GPR83: variants seen among roughly 807,000 people sequenced by gnomAD.
GPR83 encodes the protein G protein-coupled receptor 83.
A neutral mutation model predicts 28.0 loss-of-function variants in GPR83; 23 were observed. That is an observed-to-expected ratio of 0.82 (90% CI 0.59 to 1.16). The LOEUF (loss-of-function observed/expected upper bound fraction) is 1.16, where lower values mean the gene tolerates loss of function less well. Among genes scored for constraint, GPR83 ranks in the 50% most tolerant of loss-of-function variants. The pLI, the probability that GPR83 is intolerant of heterozygous loss-of-function variation, is 0.00. For missense variants in GPR83, 610 were observed against 536.6 expected (o/e 1.14, Z -1.35); for synonymous variants, 234 against 215.4 (o/e 1.09, Z -0.76).
intron 3 of GPR83, among the ~76,000 whole-genome samples, chr11:94,386,074 C>A (rs1200430341): frequency 6.6e-6 from 1 of 152,134 alleles, no homozygotes. Context: ...ATTTTCAACC[C>A]AAAATTTCAT....
intron 2 of GPR83, among the ~76,000 whole-genome samples, chr11:94,395,294 A>G (rs1401609484): frequency 6.6e-6 from 1 of 152,196 alleles, no homozygotes; most frequent in Non-Finnish European, 1.5e-5. Flanking sequence ...ATTGGACTGT[A>G]TCTTTGAATC....
At position 94,400,975 on chromosome 11, in the gene GPR83, C is replaced by G. The variant is rs756860319; in HGVS notation, c.273G>C (p.Leu91=). The change falls in exon 1 of 4, where the codon CTG becomes CTC. Residue 91 remains leucine (L), a synonymous_variant. Transcript: ENST00000243673. ...GGTTCTTGAAGATGACATGACAGAC[C>G]AGGACGTTGCCAAAGAGTGAGAAGA... is the stretch of plus-strand genomic sequence containing the variant. ...IIVFSLFGNV[L]VCHVIFKNQR... 148 of 1,613,968 alleles carry G rather than the reference C, an allele frequency of 9.2e-5. No individual in the cohort carries two copies. The highest frequency in any genetic ancestry group is 3.3e-4 in the Middle Eastern group (2 of 6,084).
At chr11:94,392,332 G>A (rs1383609121) in intron 3 of GPR83, among the ~76,000 whole-genome samples, 1 of 151,966 alleles carries the variant, frequency 6.6e-6, no homozygotes, top group Admixed American at 6.6e-5. Flanking sequence ...AGGAGGTGGG[G>A]GGCAAGCAGA....
At position 94,401,120 on chromosome 11, in the gene GPR83, G is replaced by A. The variant is rs141311468; in HGVS notation, c.128C>T (p.Ser43Phe). The A allele has an allele frequency of 1.5e-5, 25 of 1,614,116 alleles. No individual in the cohort carries two copies. The African/African-American group carries it at 2.9e-4, about 19-fold the overall frequency. The stretch of plus-strand genomic sequence containing the variant: ...GTCGGAGAAGGTGTAGTTGTTCCAA[G>A]AGAAGAAGTGCGAGGCATTGGGCAC... ...LAVPNASHFF[S>F]WNNYTFSDWQ... is the part of the protein sequence containing the mutation. The change falls in exon 1 of 4, where the codon TCT becomes TTT. Residue 43 changes from serine (S) to phenylalanine (F), a missense_variant. Coordinates refer to ENST00000243673, the MANE Select transcript of GPR83 (RefSeq NM_016540.4).
At chr11:94,386,973 C>CCG in intron 3 of GPR83, among the ~76,000 whole-genome samples, 1 of 152,152 alleles carries the variant, frequency 6.6e-6, no homozygotes, top group African/African-American at 2.4e-5. Flanking sequence ...TTATAACAAA[C>CCG]TCTCTCCCAG....
chr11:94,401,376 C>G lies in GPR83; in HGVS notation c.-129G>C. On this transcript the variant is annotated 5_prime_UTR_variant, in exon 1 of 4. Coordinates refer to ENST00000243673, the MANE Select transcript of GPR83 (RefSeq NM_016540.4). The stretch of plus-strand genomic sequence containing the variant: ...GTCCCGAGGAGCCAGGGAGCCCGGA[C>G]GCGCGGAGCACCGCGCCGCCCGCCA... The G allele has an allele frequency of 2.3e-6, 2 of 884,474 alleles. No individual in the cohort carries two copies. The highest frequency in any genetic ancestry group is 3.2e-6 in the Non-Finnish European group (2 of 629,116). 54.8% of individuals were successfully genotyped at this position (884,474 alleles called of 1,614,324 possible).
In GPR83 at chr11:94,388,162, G is replaced by A. The variant is rs1436722365; in HGVS notation, c.647+5323C>T. Among the ~76,000 whole-genome samples the A allele has an allele frequency of 2.6e-5, 4 of 152,258 alleles. No individual in the cohort carries two copies. In the South Asian group the frequency reaches 8.3e-4, roughly 32 times the overall value. On this transcript the variant is annotated intron_variant, in intron 3 of 3. Coordinates refer to ENST00000243673, the MANE Select transcript of GPR83 (RefSeq NM_016540.4). ...AAAACTCAGTAAATTAGGTATTGAT[G>A]GGACGTATCTCAAAATAATAAGAGC... is the stretch of plus-strand genomic sequence containing the variant.
chr11:94,396,220 CA>C lies in GPR83; in HGVS notation c.513+178del, dbSNP rs916888581. On this transcript the variant is annotated intron_variant, in intron 2 of 3. Transcript: ENST00000243673. ...GAGCAACAAGAGTGAAACTCTGTCT[CA>C]AAAAAAAATTATGACAAAGGGCTTA... Among the ~76,000 whole-genome samples the C allele has an allele frequency of 9.3e-5, 14 of 151,314 alleles. 1 individual carries two copies. Among genetic ancestry groups the C allele is most frequent in the African/African-American group, 2.9e-4 (12 of 41,302 alleles).
At chr11:94,386,362 T>A (rs530132241) in intron 3 of GPR83, among the ~76,000 whole-genome samples, 33 of 152,288 alleles carry the variant, frequency 2.2e-4, no homozygotes, top group African/African-American at 7.2e-4. Flanking sequence ...TAACCTTAAA[T>A]GTAAATGGGC....
intron 3 of GPR83, among the ~76,000 whole-genome samples, chr11:94,381,387 A>G (rs1308541817): frequency 1.3e-5 from 2 of 151,470 alleles, no homozygotes; most frequent in East Asian, 2.0e-4. Flanking sequence ...TTTAGGGGGG[A>G]AAAAAAGTCC....
chr11:94,390,074 A>G (rs920194807), intron 3 of GPR83, among the ~76,000 whole-genome samples: 2 of 152,180 alleles, frequency 1.3e-5, no homozygotes, highest in African/African-American at 4.8e-5. Context: ...ACAAGGACAA[A>G]AAACCAAACA....
chr11:94,381,614 T>G (rs927325586), intron 3 of GPR83, among the ~76,000 whole-genome samples: 2 of 151,202 alleles, frequency 1.3e-5, no homozygotes, highest in Non-Finnish European at 2.9e-5. Flanking sequence ...ACATGGCTCC[T>G]GTGGCAGACA....
chr11:94,380,506 C>T lies in GPR83; in HGVS notation c.915G>A (p.Trp305Ter). Reference sequence around the variant, plus strand: ...GGAGGACGTAGCAGTTGAGGGGGAACCAGCAGAGGGCAAAGAGGACTACCA... The same window carrying T: ...GGAGGACGTAGCAGTTGAGGGGGAATCAGCAGAGGGCAAAGAGGACTACCA... Reference protein sequence around the residue: ...MLVVVLFALCWFPLNCYVLLL... With the variant: ...MLVVVLFALC The change falls in exon 4 of 4, where the codon TGG becomes TGA. Residue 305 changes from tryptophan to a stop codon, truncating the protein, a stop_gained. Coordinates refer to ENST00000243673, the MANE Select transcript of GPR83 (RefSeq NM_016540.4). LOFTEE classifies it high-confidence loss of function. The T allele has an allele frequency of 1.2e-6, 2 of 1,614,196 alleles. No homozygotes were observed. The highest frequency in any genetic ancestry group is 1.7e-6 in the Non-Finnish European group (2 of 1,180,042).
At position 94,391,616 on chromosome 11, in the gene GPR83, A is replaced by C. The variant is rs141724729; in HGVS notation, c.647+1869T>G. 5.5e-3 allele frequency among the ~76,000 whole-genome samples: 845 copies of C among 152,300 alleles called. 8 individuals are homozygous for C. The highest frequency in any genetic ancestry group is 0.019 in the African/African-American group (770 of 41,564). Reference sequence around the variant, plus strand: ...CCAGGATCTACAAAGAACTTAAACAAATTTACAAGAAAACAAACAAACAAC... The same window carrying C: ...CCAGGATCTACAAAGAACTTAAACACATTTACAAGAAAACAAACAAACAAC... On this transcript the variant is annotated intron_variant, in intron 3 of 3. Coordinates refer to ENST00000243673, the MANE Select transcript of GPR83 (RefSeq NM_016540.4).
intron 3 of GPR83, among the ~76,000 whole-genome samples, chr11:94,383,817 G>A (rs143408792): frequency 0.033 from 5,068 of 152,190 alleles, 184 homozygotes; most frequent in African/African-American, 0.088. Flanking sequence ...CCACTAACAA[G>A]TTCTGAAATT....
At position 94,379,602 on chromosome 11, in the gene GPR83, A is replaced by G. The variant is rs7924609; in HGVS notation, c.*547T>C. On this transcript the variant is annotated 3_prime_UTR_variant, in exon 4 of 4. Transcript: ENST00000243673. ...AAGGAACCCAAGTTGGTCCTTTCTT[A>G]TCTGGATATTGCTAGGCCACTGAAG... 0.089 allele frequency: 13,565 copies of G among 152,198 alleles called. 710 individuals carry two copies. Among genetic ancestry groups the G allele is most frequent in the Middle Eastern group, 0.15 (44 of 292 alleles). 9.4% of individuals were successfully genotyped at this position (152,198 alleles called of 1,614,324 possible).
In GPR83 at chr11:94,396,444, G is replaced by GT. The variant is rs1944867456; in HGVS notation, c.467dup (p.His156GlnfsTer62). The GT allele has an allele frequency of 6.2e-7, 1 of 1,613,910 alleles. No homozygotes were observed. The highest frequency in any genetic ancestry group is 8.5e-7 in the Non-Finnish European group (1 of 1,179,878). On this transcript the variant is annotated frameshift_variant, in exon 2 of 4. Transcript: ENST00000243673. LOFTEE classifies it high-confidence loss of function. ...TGGCTGTCAGTGTCAGTGCTGAGAC[G>GT]TGCAGTGAGCAGTACTGGGCAAAGC... is the stretch of plus-strand genomic sequence containing the variant.
intron 3 of GPR83, among the ~76,000 whole-genome samples, chr11:94,386,128 C>T (rs1360986279): frequency 2.6e-5 from 4 of 152,132 alleles, no homozygotes; most frequent in African/African-American, 4.8e-5. Context: ...AAATAAATTA[C>T]GTTACAGATA....
intron 1 of GPR83, among the ~76,000 whole-genome samples, chr11:94,399,569 A>T (rs1944893222): frequency 6.6e-6 from 1 of 152,228 alleles, no homozygotes; most frequent in Non-Finnish European, 1.5e-5. Context: ...TGAGGATGAG[A>T]AAGAGAATGT....
Sources: allele counts gnomAD v4.1 joint callset (sites outside exome capture counted in the v4.1 genomes callset), GRCh38; gene constraint gnomAD v4.1.1; transcripts MANE v1.5; gene names NCBI Gene and HGNC (gene_info 2026-07-23, HGNC 2026-07-21).